The following CCDC93 variants were observed in gnomAD, a reference collection of about 807,000 sequenced individuals.
The protein encoded by CCDC93 is coiled-coil domain-containing protein 93.
In CCDC93, 61 loss-of-function variants were observed where a neutral mutation model predicts 108.2. That is an observed-to-expected ratio of 0.56 (90% CI 0.46 to 0.70). CCDC93 has a LOEUF of 0.70. Ranked by LOEUF, CCDC93 falls within the 30% of genes least tolerant of loss-of-function variation. The pLI is 0.00. For synonymous variants in CCDC93, 276 were observed against 260.4 expected (o/e 1.06, Z -0.58); for missense variants, 685 against 764.2 (o/e 0.90, Z 1.22).
intron 1 of CCDC93, among the ~76,000 whole-genome samples, chr2:118,010,559 C>T (rs1485680991): frequency 6.6e-6 from 1 of 152,162 alleles, no homozygotes; most frequent in East Asian, 1.9e-4. Flanking sequence ...ATTCATACTT[C>T]ATTCCAGAAC....
At chr2:117,975,663 G>A (rs1020009384) in intron 8 of CCDC93, among the ~76,000 whole-genome samples, 1 of 152,190 alleles carries the variant, frequency 6.6e-6, no homozygotes, top group African/African-American at 2.4e-5. Context: ...AAAGTAATTT[G>A]GCAGGTACAA....
At chr2:117,928,382 C>A (rs1033907910) in intron 23 of CCDC93, among the ~76,000 whole-genome samples, 2 of 152,042 alleles carry the variant, frequency 1.3e-5, no homozygotes, top group Non-Finnish European at 2.9e-5. Context: ...GGCTAATATC[C>A]AGAATCTACA....
intron 7 of CCDC93, among the ~76,000 whole-genome samples, chr2:117,981,007 A>C (rs1443463012): frequency 6.6e-6 from 1 of 152,220 alleles, no homozygotes; most frequent in African/African-American, 2.4e-5. Context: ...AAGTTCATCC[A>C]GGTTGAAGCA....
At chr2:117,994,912 C>T (rs1453639928) in intron 6 of CCDC93, among the ~76,000 whole-genome samples, 2 of 152,204 alleles carry the variant, frequency 1.3e-5, no homozygotes, top group South Asian at 4.1e-4. Flanking sequence ...GGTTCCACAG[C>T]TCTGGCCCAG....
intron 5 of CCDC93, 58 bp from the exon 6 acceptor site, chr2:117,995,560 G>C: frequency 8.2e-7 from 1 of 1,222,038 alleles, no homozygotes; most frequent in Non-Finnish European, 1.1e-6. Context: ...AACTCAAGTG[G>C]ACCACTCAGA....
intron 2 of CCDC93, among the ~76,000 whole-genome samples, chr2:118,007,067 G>C (rs1676893156): frequency 6.6e-6 from 1 of 152,220 alleles, no homozygotes; most frequent in African/African-American, 2.4e-5. Context: ...GTAGCTACTA[G>C]CCACATGTGG....
At chr2:117,974,066 C>CT in intron 10 of CCDC93, 72 bp from the exon 11 acceptor site, 1 of 947,060 alleles carries the variant, frequency 1.1e-6, no homozygotes, top group Non-Finnish European at 1.7e-6. Flanking sequence ...TCTGAACACT[C>CT]TATTATGTCT....
intron 3 of CCDC93, among the ~76,000 whole-genome samples, chr2:118,005,427 CAT>C (rs1266392057): frequency 1.3e-5 from 2 of 152,270 alleles, no homozygotes; most frequent in African/African-American, 4.8e-5. Context: ...CCAAGAAAAG[CAT>C]CCTCAAGAAG....
Position 117,917,965 on chromosome 2 carries a change from A to G in CCDC93, c.*2378T>C, listed in dbSNP as rs1192161725. 6.6e-6 allele frequency: 1 copy of G among 152,202 alleles called. No homozygotes were observed. Among genetic ancestry groups the G allele is most frequent in the Non-Finnish European group, 1.5e-5 (1 of 68,068 alleles). 9.4% of individuals were successfully genotyped at this position (152,202 alleles called of 1,614,324 possible). A position where few individuals can be genotyped will look rare whatever the true frequency, so the allele number is the denominator to read the frequency against. ...TTCCTCCTGAAGCGCATATTTTGAA[A>G]AAGTAACTTAAGGATGTTCTTGCTT... is the stretch of plus-strand genomic sequence containing the variant. On this transcript the variant is annotated 3_prime_UTR_variant, in exon 24 of 24. Transcript: ENST00000376300.
chr2:117,925,979 C>A (rs1189565502), intron 23 of CCDC93, among the ~76,000 whole-genome samples: 1 of 152,182 alleles, frequency 6.6e-6, no homozygotes, highest in African/African-American at 2.4e-5. Flanking sequence ...CAAAACCACT[C>A]AACTACATGG....
chr2:117,958,420 C>T lies in CCDC93; in HGVS notation c.950G>A (p.Arg317Gln), dbSNP rs745363342. 23 of 1,613,604 alleles carry T rather than the reference C, an allele frequency of 1.4e-5. No homozygotes were observed. The highest frequency in any genetic ancestry group is 5.0e-5 in the Admixed American group (3 of 59,976). The change falls in exon 12 of 24, where the codon CGG (arginine) becomes CAG (glutamine). Residue 317 changes from arginine (R) to glutamine (Q), a missense_variant. By Grantham distance (43) the Arg-to-Gln change is conservative. Coordinates refer to ENST00000376300, the MANE Select transcript of CCDC93 (RefSeq NM_019044.5). The stretch of plus-strand genomic sequence containing the variant: ...CTGTTTGTTCAAGGAAATGACTTTC[C>T]GGCGATGTAGCTGGGAGGTTCCTAA... ...EKLGTSQLHR[R>Q]KVISLNKQIA...
chr2:117,920,798 A>G (rs1677834776), intron 23 of CCDC93, among the ~76,000 whole-genome samples: 1 of 152,226 alleles, frequency 6.6e-6, no homozygotes, highest in Non-Finnish European at 1.5e-5. Context: ...CCTAGTTTAC[A>G]TAGCAGGCAA....
intron 1 of CCDC93, chr2:118,008,910 T>C (rs1318604852): frequency 2.3e-6 from 1 of 427,996 alleles, no homozygotes; most frequent in Non-Finnish European, 4.2e-6. Flanking sequence ...GCCCAAGTAG[T>C]ATATACTACT....
chr2:117,964,017 C>G (rs566109488), intron 11 of CCDC93, among the ~76,000 whole-genome samples: 1 of 152,178 alleles, frequency 6.6e-6, no homozygotes. Context: ...ATACTAATTA[C>G]GTAAGAGTCG....
intron 11 of CCDC93, among the ~76,000 whole-genome samples, chr2:117,963,043 G>A (rs1310862977): frequency 6.6e-6 from 1 of 152,200 alleles, no homozygotes; most frequent in Non-Finnish European, 1.5e-5. Context: ...GTATCCCCAG[G>A]TGCTTGGCAG....
intron 22 of CCDC93, among the ~76,000 whole-genome samples, chr2:117,932,586 C>A (rs987312353): frequency 6.6e-6 from 1 of 152,226 alleles, no homozygotes; most frequent in Admixed American, 6.5e-5. Context: ...GCCTGGTGCA[C>A]ACCCATGCTA....
intron 20 of CCDC93, chr2:117,937,015 A>T: frequency 2.2e-6 from 1 of 451,486 alleles, no homozygotes; most frequent in Non-Finnish European, 4.1e-6. Context: ...AGGGAACTGG[A>T]TCCCAGCTGA....
chr2:117,915,836 C>T lies in CCDC93; in HGVS notation c.*4507G>A, dbSNP rs1317527427. 6.6e-6 allele frequency: 1 copy of T among 152,168 alleles called. No individual in the cohort carries two copies. The highest frequency in any genetic ancestry group is 1.5e-5 in the Non-Finnish European group (1 of 68,040). The allele number at this position is 152,168 out of a possible 1,614,324, so 9.4% of individuals were successfully genotyped here. ...ATTCCAAACATTAGGATACCATGGGCTTTTTTCCTCACTTAATCATGCATC... is the reference window on the plus strand; with the variant it reads ...ATTCCAAACATTAGGATACCATGGGTTTTTTTCCTCACTTAATCATGCATC... On this transcript the variant is annotated 3_prime_UTR_variant, in exon 24 of 24. Coordinates refer to ENST00000376300, the MANE Select transcript of CCDC93 (RefSeq NM_019044.5).
At position 117,964,293 on chromosome 2, in the gene CCDC93, G is replaced by A. The variant is rs185081014; in HGVS notation, c.889-5812C>T. Among the ~76,000 whole-genome samples the A allele has an allele frequency of 7.2e-5, 11 of 152,340 alleles. No homozygotes were observed. In the East Asian group the frequency reaches 1.9e-3, roughly 27 times the overall value. On this transcript the variant is annotated intron_variant, in intron 11 of 23. Transcript: ENST00000376300. The stretch of plus-strand genomic sequence containing the variant: ...CCAGACAAAACCAGCTAATTCGTAA[G>A]TAAAGGTGTTGCATCCTCTGCATTC...
Sources: gnomAD v4.1 joint callset for allele counts (sites outside exome capture counted in the v4.1 genomes callset) on GRCh38, gnomAD v4.1.1 for gene constraint, MANE v1.5 for transcripts, NCBI Gene and HGNC (gene_info 2026-07-23, HGNC 2026-07-21) for gene names.